AGBL4: variants seen among roughly 807,000 people sequenced by gnomAD.
The protein encoded by AGBL4 is cytosolic carboxypeptidase 6.
A neutral mutation model predicts 66.4 loss-of-function variants in AGBL4; 58 were observed. The ratio of observed to expected loss-of-function variants is 0.87; its 90% CI spans 0.71 to 1.09. The LOEUF (loss-of-function observed/expected upper bound fraction) is 1.09, where lower values mean the gene tolerates loss of function less well. Among genes scored for constraint, AGBL4 ranks in the 50% least tolerant of loss-of-function variants. The pLI is 0.00. For missense variants in AGBL4, 579 were observed against 631.0 expected (o/e 0.92, Z 0.88); for synonymous variants, 234 against 222.9 (o/e 1.05, Z -0.44).
At chr1:49,605,745 T>C (rs1247603070) in intron 3 of AGBL4, among the ~76,000 whole-genome samples, 3 of 152,122 alleles carry the variant, frequency 2.0e-5, no homozygotes, top group Admixed American at 1.3e-4. Flanking sequence ...CCTCTTTTCA[T>C]TTCTCTTATA....
chr1:49,841,961 AC>A, intron 2 of AGBL4: 1 of 542,704 alleles, frequency 1.8e-6, no homozygotes, highest in Non-Finnish European at 3.4e-6. Flanking sequence ...TCCACCTCGT[AC>A]CTGGCCTCGT....
chr1:49,977,543 A>G (rs866662116), intron 1 of AGBL4, among the ~76,000 whole-genome samples: 1 of 152,230 alleles, frequency 6.6e-6, no homozygotes, highest in Non-Finnish European at 1.5e-5. Flanking sequence ...TTCCTTTTTT[A>G]TGGCTCCAAT....
chr1:49,299,842 T>C (rs551027323), intron 3 of AGBL4, among the ~76,000 whole-genome samples: 1 of 152,258 alleles, frequency 6.6e-6, no homozygotes, highest in South Asian at 2.1e-4. Flanking sequence ...AGTTTTTTTT[T>C]CTTTTAAATC....
At chr1:48,761,563 A>T (rs1251928180) in intron 6 of AGBL4, 1 of 1,319,342 alleles carries the variant, frequency 7.6e-7, no homozygotes, top group African/African-American at 1.5e-5. Context: ...CTAGAAAATA[A>T]TTGAGGCCAG....
intron 2 of AGBL4, among the ~76,000 whole-genome samples, chr1:49,780,854 C>T (rs141745792): frequency 2.0e-4 from 31 of 152,126 alleles, no homozygotes; most frequent in African/African-American, 5.5e-4. Flanking sequence ...AAATGAAAGA[C>T]ATAAATTCCT....
chr1:49,380,047 G>C (rs1644563737), intron 3 of AGBL4, among the ~76,000 whole-genome samples: 1 of 152,154 alleles, frequency 6.6e-6, no homozygotes. Context: ...ATTAGGAAAA[G>C]AGGAAGTCAA....
intron 1 of AGBL4, among the ~76,000 whole-genome samples, chr1:49,918,983 C>G (rs1651893871): frequency 6.6e-6 from 1 of 152,058 alleles, no homozygotes; most frequent in South Asian, 2.1e-4. Context: ...AGACAAAAAC[C>G]ACATGATTAT....
intron 6 of AGBL4, chr1:48,818,208 A>G (rs1196701465): frequency 2.8e-6 from 2 of 717,354 alleles, no homozygotes; most frequent in African/African-American, 3.5e-5. Flanking sequence ...TGATTTCACC[A>G]GCTCCATCTT....
chr1:49,472,449 A>G (rs1279178957), intron 3 of AGBL4, among the ~76,000 whole-genome samples: 2 of 152,054 alleles, frequency 1.3e-5, no homozygotes, highest in Non-Finnish European at 2.9e-5. Context: ...TTGAAACAAA[A>G]AAATAAAGAA....
At chr1:49,984,455 T>C (rs902760665) in intron 1 of AGBL4, among the ~76,000 whole-genome samples, 3 of 152,216 alleles carry the variant, frequency 2.0e-5, no homozygotes, top group Non-Finnish European at 4.4e-5. Context: ...TTATGTAACA[T>C]ACGTGTTTGT....
intron 11 of AGBL4, among the ~76,000 whole-genome samples, chr1:48,583,010 C>T (rs996614711): frequency 6.6e-6 from 1 of 152,208 alleles, no homozygotes; most frequent in Non-Finnish European, 1.5e-5. Context: ...ATGTTATACT[C>T]ATCCAGTATC....
chr1:49,178,954 T>C (rs113937724), intron 4 of AGBL4, among the ~76,000 whole-genome samples: 6 of 152,318 alleles, frequency 3.9e-5, no homozygotes, highest in East Asian at 1.9e-4. Context: ...CAAAGCTGCA[T>C]AGTTCCATCA....
intron 6 of AGBL4, among the ~76,000 whole-genome samples, chr1:48,754,720 G>C (rs906308411): frequency 2.6e-5 from 4 of 152,126 alleles, no homozygotes; most frequent in Non-Finnish European, 4.4e-5. Flanking sequence ...CATCAGAAAG[G>C]GTTGTTTACC....
intron 2 of AGBL4, among the ~76,000 whole-genome samples, chr1:49,752,917 C>T (rs1026230320): frequency 4.6e-5 from 7 of 152,154 alleles, no homozygotes; most frequent in African/African-American, 1.7e-4. Flanking sequence ...TTTCCATTTG[C>T]TTGGTAAATC....
At chr1:49,389,524 T>C (rs1218200037) in intron 3 of AGBL4, among the ~76,000 whole-genome samples, 1 of 152,116 alleles carries the variant, frequency 6.6e-6, no homozygotes, top group Non-Finnish European at 1.5e-5. Context: ...AAACGTGGCT[T>C]CTTGTTTTCT....
intron 4 of AGBL4, among the ~76,000 whole-genome samples, chr1:49,241,244 T>C (rs936985602): frequency 2.6e-5 from 4 of 152,120 alleles, no homozygotes; most frequent in South Asian, 2.1e-4. Flanking sequence ...CATTTTAATT[T>C]ATTTCCATTG....
At chr1:49,023,836 C>T (rs1009872284) in intron 5 of AGBL4, among the ~76,000 whole-genome samples, 35 of 152,106 alleles carry the variant, frequency 2.3e-4, no homozygotes, top group Non-Finnish European at 7.3e-5. Context: ...CTTTGCCTAC[C>T]TCTGCCCTCT....
chr1:49,672,087 A>C (rs747929387), intron 3 of AGBL4, among the ~76,000 whole-genome samples: 6 of 152,142 alleles, frequency 3.9e-5, no homozygotes, highest in Admixed American at 3.9e-4. Context: ...AATCAACCTA[A>C]ATGCCCATCA....
intron 3 of AGBL4, among the ~76,000 whole-genome samples, chr1:49,632,449 A>C (rs1645588638): frequency 6.6e-6 from 1 of 152,236 alleles, no homozygotes; most frequent in South Asian, 2.1e-4. Flanking sequence ...ATATGTCAAC[A>C]GATTCCCTCT....
Sources: gnomAD v4.1 joint callset for allele counts (sites outside exome capture counted in the v4.1 genomes callset) on GRCh38, gnomAD v4.1.1 for gene constraint, MANE v1.5 for transcripts, NCBI Gene and HGNC (gene_info 2026-07-23, HGNC 2026-07-21) for gene names.